Variants in NALF1 observed in about 807,000 individuals in gnomAD.
NALF1 encodes family with sequence similarity 155 member A.
NALF1 carries 3 observed loss-of-function variants against 48.4 expected under a neutral mutation model. The observed-to-expected ratio is 0.06, with a 90% CI of 0.03 to 0.16. The LOEUF is 0.16. Ranked by LOEUF, NALF1 falls within the 10% of genes least tolerant of loss-of-function variation. The probability of loss-of-function intolerance (pLI) is 1.00; values close to 1 mark genes in which losing one functional copy is unlikely to be tolerated. For synonymous variants in NALF1, 262 were observed against 245.7 expected (o/e 1.07, Z -0.62); for missense variants, 526 against 571.5 (o/e 0.92, Z 0.81).
chr13:107,214,332 A>G (rs934932687), intron 1 of NALF1, among the ~76,000 whole-genome samples: 3 of 152,242 alleles, frequency 2.0e-5, no homozygotes, highest in African/African-American at 7.2e-5. Flanking sequence ...TATTTGTCTT[A>G]TTTCATAAGA....
At chr13:107,218,798 G>A (rs1244107683) in intron 1 of NALF1, among the ~76,000 whole-genome samples, 1 of 110,490 alleles carries the variant, frequency 9.1e-6, no homozygotes, top group African/African-American at 3.5e-5. Context: ...TTATTGTTCT[G>A]AGCTCATGGA....
chr13:107,396,373 T>C (rs1481247311), intron 1 of NALF1, among the ~76,000 whole-genome samples: 1 of 152,106 alleles, frequency 6.6e-6, no homozygotes, highest in African/African-American at 2.4e-5. Flanking sequence ...CACATCCAGT[T>C]CTGTAGAAGT....
intron 1 of NALF1, among the ~76,000 whole-genome samples, chr13:107,848,520 A>G (rs1880229025): frequency 1.3e-5 from 2 of 152,196 alleles, no homozygotes; most frequent in Admixed American, 1.3e-4. Context: ...AAGCAGCTGT[A>G]TTTTGATGCT....
At chr13:107,580,552 C>T (rs11616495) in intron 1 of NALF1, among the ~76,000 whole-genome samples, 3,268 of 152,218 alleles carry the variant, frequency 0.021, 58 homozygotes, top group Middle Eastern at 0.051. Flanking sequence ...TAATTTTCTT[C>T]ATTGTCCTCT....
intron 1 of NALF1, among the ~76,000 whole-genome samples, chr13:107,511,000 C>T (rs778614260): frequency 2.0e-5 from 3 of 152,172 alleles, no homozygotes; most frequent in Non-Finnish European, 4.4e-5. Context: ...AGCAAGGCTC[C>T]ACTCTTAAGC....
chr13:107,346,198 C>T (rs1443296815), intron 1 of NALF1, among the ~76,000 whole-genome samples: 1 of 151,960 alleles, frequency 6.6e-6, no homozygotes, highest in Non-Finnish European at 1.5e-5. Context: ...ATTGGCATAG[C>T]TATTATGGAA....
chr13:107,765,790 T>C (rs1267167718), intron 1 of NALF1, among the ~76,000 whole-genome samples: 1 of 152,124 alleles, frequency 6.6e-6, no homozygotes, highest in Non-Finnish European at 1.5e-5. Context: ...TAAATAAATA[T>C]TTAAAGTAAT....
intron 1 of NALF1, among the ~76,000 whole-genome samples, chr13:107,831,221 CA>C (rs1879716727): frequency 6.6e-6 from 1 of 152,090 alleles, no homozygotes; most frequent in African/African-American, 2.4e-5. Context: ...TTTAAAAATT[CA>C]AATGATCAAG....
intron 2 of NALF1, among the ~76,000 whole-genome samples, chr13:107,187,658 G>C (rs1200348413): frequency 1.3e-5 from 2 of 152,172 alleles, no homozygotes; most frequent in Non-Finnish European, 2.9e-5. Context: ...GGGCAGCTCA[G>C]ATGCCTGCTT....
chr13:107,591,580 AC>A, intron 1 of NALF1, among the ~76,000 whole-genome samples: 1 of 151,974 alleles, frequency 6.6e-6, no homozygotes, highest in Non-Finnish European at 1.5e-5. Context: ...GTGAAATGTA[AC>A]TGGATTTAGG....
At chr13:107,511,585 C>A (rs1045340214) in intron 1 of NALF1, among the ~76,000 whole-genome samples, 1 of 152,108 alleles carries the variant, frequency 6.6e-6, no homozygotes, top group Admixed American at 6.6e-5. Flanking sequence ...AATTAACATG[C>A]TTTCTCATAA....
chr13:107,195,672 T>C (rs1354907224), intron 2 of NALF1, among the ~76,000 whole-genome samples: 1 of 152,228 alleles, frequency 6.6e-6, no homozygotes, highest in Admixed American at 6.5e-5. Flanking sequence ...TTTGTGGCAA[T>C]TTGTTAAGGC....
At chr13:107,506,910 T>A (rs1234422882) in intron 1 of NALF1, among the ~76,000 whole-genome samples, 1 of 152,024 alleles carries the variant, frequency 6.6e-6, no homozygotes, top group African/African-American at 2.4e-5. Context: ...AGGAGTGGAA[T>A]TGTTGAGTAA....
Position 107,170,757 on chromosome 13 carries a change from C to A in NALF1, c.1117G>T (p.Glu373Ter). Residue 373 changes from glutamate to a stop codon, truncating the protein, a stop_gained, in exon 3 of 3, where the codon GAA (glutamate) becomes TAA (stop). Transcript: ENST00000375915. LOFTEE classifies it high-confidence loss of function. The stretch of plus-strand genomic sequence containing the variant: ...CTCCTGACGTCACAGCATTCTGGTT[C>A]ATCATTGGTTAGAAAGGTTTCATAA... ...GLYETFLTND[E>*]PECCDVRREE... 1 of 1,614,128 alleles carries A rather than the reference C, an allele frequency of 6.2e-7. No individual in the cohort carries two copies. Among genetic ancestry groups the A allele is most frequent in the Non-Finnish European group, 8.5e-7 (1 of 1,180,022 alleles).
At chr13:107,643,699 T>A (rs892656576) in intron 1 of NALF1, among the ~76,000 whole-genome samples, 2 of 152,138 alleles carry the variant, frequency 1.3e-5, no homozygotes, top group Non-Finnish European at 2.9e-5. Context: ...CTTTTTATGA[T>A]GAGAAAAAAT....
At chr13:107,445,592 C>T (rs1884636373) in intron 1 of NALF1, among the ~76,000 whole-genome samples, 1 of 152,204 alleles carries the variant, frequency 6.6e-6, no homozygotes, top group Non-Finnish European at 1.5e-5. Context: ...ATTGCAATTA[C>T]TGGTTCATAT....
intron 2 of NALF1, among the ~76,000 whole-genome samples, chr13:107,201,587 A>G (rs1176599747): frequency 6.6e-6 from 1 of 152,208 alleles, no homozygotes; most frequent in African/African-American, 2.4e-5. Flanking sequence ...AAAAAAGGAA[A>G]AAAAGAAAGA....
intron 1 of NALF1, among the ~76,000 whole-genome samples, chr13:107,355,626 T>C (rs1882950148): frequency 6.6e-6 from 1 of 152,022 alleles, no homozygotes; most frequent in Admixed American, 6.6e-5. Context: ...TTAAAAGGCG[T>C]GTAGCACTTC....
intron 1 of NALF1, among the ~76,000 whole-genome samples, chr13:107,555,893 A>T (rs114271138): frequency 0.016 from 2,456 of 152,256 alleles, 60 homozygotes; most frequent in African/African-American, 0.056. Context: ...CAAAAAAGAT[A>T]ATATTTTGAG....
Sources: allele counts gnomAD v4.1 joint callset (sites outside exome capture counted in the v4.1 genomes callset), GRCh38; gene constraint gnomAD v4.1.1; transcripts MANE v1.5; gene names NCBI Gene and HGNC (gene_info 2026-07-23, HGNC 2026-07-21).